The following NEK11 variants were observed in gnomAD, a reference collection of about 807,000 sequenced individuals.
NEK11 encodes serine/threonine-protein kinase Nek11.
NEK11 carries 72 observed loss-of-function variants against 80.7 expected under a neutral mutation model. The ratio of observed to expected loss-of-function variants is 0.89; its 90% CI spans 0.74 to 1.08. NEK11 has a LOEUF of 1.08. Among genes scored for constraint, NEK11 ranks in the 50% least tolerant of loss-of-function variants. The probability of loss-of-function intolerance (pLI) is 0.00; values close to 1 mark genes in which losing one functional copy is unlikely to be tolerated. For synonymous variants in NEK11, 251 were observed against 260.7 expected (o/e 0.96, Z 0.36); for missense variants, 764 against 763.6 (o/e 1.00, Z -0.01).
At chr3:131,237,707 T>G (rs2095454242) in intron 15 of NEK11, among the ~76,000 whole-genome samples, 1 of 152,112 alleles carries the variant, frequency 6.6e-6, no homozygotes, top group South Asian at 2.1e-4. Context: ...CATCCTGAAA[T>G]AAGCATGTAC....
intron 7 of NEK11, among the ~76,000 whole-genome samples, chr3:131,141,773 T>G (rs1210817639): frequency 1.3e-5 from 2 of 152,132 alleles, no homozygotes; most frequent in African/African-American, 4.8e-5. Flanking sequence ...GTTCTTCTGA[T>G]TAGCTGTAGG....
At chr3:131,143,012 G>A (rs1364937466) in intron 7 of NEK11, among the ~76,000 whole-genome samples, 1 of 152,124 alleles carries the variant, frequency 6.6e-6, no homozygotes, top group African/African-American at 2.4e-5. Context: ...ATTAGAATAT[G>A]ATAAGAGAAA....
At chr3:131,110,630 A>C (rs559187602) in intron 5 of NEK11, among the ~76,000 whole-genome samples, 1 of 152,292 alleles carries the variant, frequency 6.6e-6, no homozygotes, top group Admixed American at 6.5e-5. Context: ...CATAGACAAA[A>C]AAGAAGTGGA....
intron 4 of NEK11, among the ~76,000 whole-genome samples, chr3:131,108,485 T>C (rs1421979576): frequency 6.6e-6 from 1 of 152,186 alleles, no homozygotes; most frequent in East Asian, 1.9e-4. Context: ...GGAACATTTC[T>C]CAAATTATCT....
chr3:131,239,600 A>C (rs1341401783), intron 15 of NEK11, among the ~76,000 whole-genome samples: 1 of 152,220 alleles, frequency 6.6e-6, no homozygotes, highest in Non-Finnish European at 1.5e-5. Flanking sequence ...TTCGGGAGTC[A>C]GTATAGCCTA....
At chr3:131,126,799 C>G (rs1050931533) in intron 5 of NEK11, among the ~76,000 whole-genome samples, 3 of 152,028 alleles carry the variant, frequency 2.0e-5, no homozygotes, top group Non-Finnish European at 2.9e-5. Flanking sequence ...CCCTATTCTC[C>G]TTTTACAATG....
At chr3:131,223,786 G>A (rs763790844) in intron 14 of NEK11, among the ~76,000 whole-genome samples, 7 of 152,336 alleles carry the variant, frequency 4.6e-5, no homozygotes, top group Middle Eastern at 3.4e-3. Context: ...AGGAAGGACA[G>A]TGGGAGGTGA....
chr3:131,142,471 G>C (rs1340519245), intron 7 of NEK11, among the ~76,000 whole-genome samples: 4 of 150,616 alleles, frequency 2.7e-5, no homozygotes, highest in Non-Finnish European at 4.5e-5. Context: ...AATTATTAAA[G>C]CAGTTGGAAC....
chr3:131,341,081 A>C (rs533435329), intron 17 of NEK11, among the ~76,000 whole-genome samples: 8 of 152,320 alleles, frequency 5.3e-5, no homozygotes, highest in African/African-American at 1.9e-4. Context: ...CTCCCTTCTC[A>C]CATCTTAGAT....
chr3:131,133,719 TG>T, intron 6 of NEK11, 110 bp from the exon 7 acceptor site: 2 of 719,914 alleles, frequency 2.8e-6, no homozygotes, highest in South Asian at 4.2e-5. Flanking sequence ...TAAAATGCTA[TG>T]AACCATTGCA....
At chr3:131,172,914 A>T (rs547566709) in intron 14 of NEK11, among the ~76,000 whole-genome samples, 2 of 152,350 alleles carry the variant, frequency 1.3e-5, no homozygotes, top group Non-Finnish European at 2.9e-5. Context: ...GGTCATCCTC[A>T]TTGCTCATTA....
At chr3:131,061,702 A>G (rs979876428) in intron 3 of NEK11, among the ~76,000 whole-genome samples, 2 of 152,224 alleles carry the variant, frequency 1.3e-5, no homozygotes, top group African/African-American at 4.8e-5. Flanking sequence ...CCAAGCAACA[A>G]AATAAGACTT....
intron 14 of NEK11, among the ~76,000 whole-genome samples, chr3:131,213,899 G>T (rs1374239059): frequency 6.6e-6 from 1 of 152,148 alleles, no homozygotes; most frequent in African/African-American, 2.4e-5. Context: ...CCTTTAGGAG[G>T]TGATTTGGTC....
chr3:131,229,251 T>C (rs1297258763), intron 15 of NEK11, among the ~76,000 whole-genome samples: 1 of 151,974 alleles, frequency 6.6e-6, no homozygotes, highest in African/African-American at 2.4e-5. Flanking sequence ...GTAGTAGATC[T>C]CTTTTAACTA....
intron 17 of NEK11, among the ~76,000 whole-genome samples, chr3:131,282,415 CTGTCTCA>C (rs1029491547): frequency 6.6e-6 from 1 of 152,072 alleles, no homozygotes; most frequent in African/African-American, 2.4e-5. Context: ...CTTCATAGAA[CTGTCTCA>C]TGCCCTGGTA....
At chr3:131,143,971 A>G (rs765427238) in intron 7 of NEK11, among the ~76,000 whole-genome samples, 7 of 152,282 alleles carry the variant, frequency 4.6e-5, no homozygotes, top group Non-Finnish European at 8.8e-5. Flanking sequence ...ATCAAAATAA[A>G]ACATTATCTA....
chr3:131,265,291 C>T (rs925367124), intron 16 of NEK11, among the ~76,000 whole-genome samples: 14 of 152,102 alleles, frequency 9.2e-5, no homozygotes, highest in African/African-American at 3.1e-4. Context: ...TTGTCTTGTG[C>T]CAGTTTTCAA....
At chr3:131,119,909 C>T (rs149671019) in intron 5 of NEK11, among the ~76,000 whole-genome samples, 16 of 152,240 alleles carry the variant, frequency 1.1e-4, no homozygotes, top group East Asian at 5.8e-4. Flanking sequence ...TACAGCACAC[C>T]GATGGGTCTT....
At chr3:131,296,289 C>T (rs2096592545) in intron 17 of NEK11, among the ~76,000 whole-genome samples, 3 of 152,130 alleles carry the variant, frequency 2.0e-5, no homozygotes, top group Non-Finnish European at 4.4e-5. Flanking sequence ...TATATGTACA[C>T]ACACACATGC....
Sources: allele counts gnomAD v4.1 joint callset (sites outside exome capture counted in the v4.1 genomes callset), GRCh38; gene constraint gnomAD v4.1.1; transcripts MANE v1.5; gene names NCBI Gene and HGNC (gene_info 2026-07-23, HGNC 2026-07-21).